The following ZEB2 variants were observed in gnomAD, a reference collection of about 807,000 sequenced individuals.
The protein encoded by ZEB2 is zinc finger E-box binding homeobox 2, also known as zinc finger E-box-binding homeobox 2.
Under a neutral mutation model 99.9 loss-of-function variants are expected in ZEB2, and 6 were observed. The ratio of observed to expected loss-of-function variants is 0.06; its 90% confidence interval spans 0.03 to 0.12. The LOEUF (loss-of-function observed/expected upper bound fraction) is 0.12. Among genes scored for constraint, ZEB2 ranks in the 10% least tolerant of loss-of-function variants. ZEB2 has a pLI of 1.00. For missense variants in ZEB2, 969 were observed against 1,502.8 expected (o/e 0.64, Z 5.87); for synonymous variants, 517 against 542.5 (o/e 0.95, Z 0.65).
chr2:144,497,252 G>A (rs1221478272), intron 2 of ZEB2, among the ~76,000 whole-genome samples: 1 of 152,148 alleles, frequency 6.6e-6, no homozygotes, highest in Admixed American at 6.6e-5. Flanking sequence ...GTATTGGGTA[G>A]AAAGTTCTTT....
At position 144,389,339 on chromosome 2, in the gene ZEB2, A is replaced by C; in HGVS notation, c.*112T>G. The C allele has an allele frequency of 7.9e-7, 1 of 1,268,646 alleles. No individual in the cohort carries two copies. Among genetic ancestry groups the C allele is most frequent in the Non-Finnish European group, 1.1e-6 (1 of 873,166 alleles). The allele number at this position is 1,268,646 out of a possible 1,614,324, so 78.6% of individuals were successfully genotyped here. A position where few individuals can be genotyped will look rare whatever the true frequency, so the allele number is the denominator to read the frequency against. ...AACCGCCCCTTCTGTCCCTCTCTACAGCTTCCTGGAAGCGTCAGGCACGTG... is the reference window on the plus strand; with the variant it reads ...AACCGCCCCTTCTGTCCCTCTCTACCGCTTCCTGGAAGCGTCAGGCACGTG... On this transcript the variant is annotated 3_prime_UTR_variant, in exon 10 of 10. Coordinates refer to ENST00000627532, the MANE Select transcript of ZEB2 (RefSeq NM_014795.4). The surrounding 1 kb of genome is among the most constrained non-coding windows in gnomAD (Gnocchi z 6.8).
chr2:144,389,328 T>C lies in ZEB2; in HGVS notation c.*123A>G, dbSNP rs1162164017. On this transcript the variant is annotated 3_prime_UTR_variant, in exon 10 of 10. Coordinates refer to ENST00000627532, the MANE Select transcript of ZEB2 (RefSeq NM_014795.4). The surrounding 1 kb of genome is among the most constrained non-coding windows in gnomAD (Gnocchi z 6.8). ...TGTCTTGGCTGAACCGCCCCTTCTG[T>C]CCCTCTCTACAGCTTCCTGGAAGCG... 1 of 1,182,676 alleles carries C rather than the reference T, an allele frequency of 8.5e-7. No homozygotes were observed. Among genetic ancestry groups the C allele is most frequent in the Non-Finnish European group, 1.3e-6 (1 of 799,068 alleles). 73.3% of individuals were successfully genotyped at this position (1,182,676 alleles called of 1,614,324 possible). A position where few individuals can be genotyped will look rare whatever the true frequency, so the allele number is the denominator to read the frequency against.
chr2:144,427,571 A>G (rs1192489394), intron 3 of ZEB2: 1 of 152,226 alleles, frequency 6.6e-6, no homozygotes, highest in Non-Finnish European at 1.5e-5. Flanking sequence ...AAAATATTTT[A>G]TCAGAAGAAA....
At chr2:144,415,791 GCAGA>G (rs1703532080) in intron 4 of ZEB2, among the ~76,000 whole-genome samples, 1 of 152,220 alleles carries the variant, frequency 6.6e-6, no homozygotes, top group Non-Finnish European at 1.5e-5. Flanking sequence ...ATGGAGAAGA[GCAGA>G]CCTAACCTCT....
chr2:144,418,706 CAAA>C (rs61255327), intron 4 of ZEB2, among the ~76,000 whole-genome samples: 2 of 148,450 alleles, frequency 1.3e-5, no homozygotes. Flanking sequence ...AACAAACAAA[CAAA>C]AAAAAAAAAA....
chr2:144,410,966 A>G (rs768223472), intron 4 of ZEB2, among the ~76,000 whole-genome samples: 5 of 149,318 alleles, frequency 3.3e-5, no homozygotes, highest in Admixed American at 6.7e-5. Flanking sequence ...AAATGAGGAC[A>G]TGAGTGGTAA....
chr2:144,458,918 C>T (rs896181641), intron 2 of ZEB2, among the ~76,000 whole-genome samples: 1 of 151,994 alleles, frequency 6.6e-6, no homozygotes. Flanking sequence ...GACGTAAGCT[C>T]GGATGTATTT....
At chr2:144,449,464 A>G (rs1260880510) in intron 2 of ZEB2, among the ~76,000 whole-genome samples, 1 of 152,170 alleles carries the variant, frequency 6.6e-6, no homozygotes, top group African/African-American at 2.4e-5. Flanking sequence ...AAAAACAACA[A>G]TGCTAACAAA....
chr2:144,460,234 G>A (rs1044086150), intron 2 of ZEB2, among the ~76,000 whole-genome samples: 2 of 152,142 alleles, frequency 1.3e-5, no homozygotes, highest in Non-Finnish European at 2.9e-5. Flanking sequence ...GTGTTGTTAA[G>A]GGATTTAAGA....
chr2:144,425,994 A>G (rs548507288), intron 3 of ZEB2, among the ~76,000 whole-genome samples: 41 of 152,122 alleles, frequency 2.7e-4, no homozygotes, highest in Non-Finnish European at 5.9e-4. Flanking sequence ...CAGCAAAAAT[A>G]AAATAAAATA....
At chr2:144,509,649 C>T (rs1457545559) in intron 2 of ZEB2, among the ~76,000 whole-genome samples, 1 of 151,840 alleles carries the variant, frequency 6.6e-6, no homozygotes, top group African/African-American at 2.4e-5. Context: ...TGTGTGAGCG[C>T]ATTGTATCCT....
chr2:144,505,242 A>AT (rs1704936330), intron 2 of ZEB2, among the ~76,000 whole-genome samples: 1 of 147,986 alleles, frequency 6.8e-6, no homozygotes, highest in African/African-American at 2.5e-5. Context: ...TAGTGTTTGG[A>AT]TTTTTTAAGG....
Position 144,517,383 on chromosome 2 carries a change from G to T in ZEB2, c.-33C>A. On this transcript the variant is annotated 5_prime_UTR_variant, in exon 2 of 10. Transcript: ENST00000627532. ...AGCGGATCAGATGGCAGTTCGCATG[G>T]ACTCGGCGCCCTGCTTCGGCAGCAC... 5 of 1,612,672 alleles carry T rather than the reference G, an allele frequency of 3.1e-6. No individual in the cohort carries two copies. The highest frequency in any genetic ancestry group is 4.2e-6 in the Non-Finnish European group (5 of 1,179,072).
chr2:144,428,531 T>C (rs760828626), intron 3 of ZEB2: 2 of 152,160 alleles, frequency 1.3e-5, no homozygotes, highest in Non-Finnish European at 2.9e-5. Context: ...ATGTGTGGGA[T>C]TGCTGAGATT....
chr2:144,431,808 C>T (rs1427858681), intron 2 of ZEB2, among the ~76,000 whole-genome samples: 11 of 142,020 alleles, frequency 7.7e-5, no homozygotes, highest in African/African-American at 2.6e-4. Flanking sequence ...AGATTCTTTA[C>T]AAATTTTCAG....
intron 2 of ZEB2, among the ~76,000 whole-genome samples, chr2:144,455,866 T>C (rs1704115765): frequency 6.6e-6 from 1 of 152,142 alleles, no homozygotes; most frequent in Non-Finnish European, 1.5e-5. Flanking sequence ...TTACTTAAAG[T>C]ATATCTCAAG....
At chr2:144,422,089 T>C (rs1268047257) in intron 4 of ZEB2, among the ~76,000 whole-genome samples, 1 of 152,248 alleles carries the variant, frequency 6.6e-6, no homozygotes, top group Non-Finnish European at 1.5e-5. Flanking sequence ...GCTAATTTCA[T>C]CACTGTCTCC....
At chr2:144,466,540 G>A (rs932116724) in intron 2 of ZEB2, among the ~76,000 whole-genome samples, 1 of 152,104 alleles carries the variant, frequency 6.6e-6, no homozygotes, top group African/African-American at 2.4e-5. Context: ...TCAAACAATT[G>A]TTCTCATTAT....
intron 2 of ZEB2, among the ~76,000 whole-genome samples, chr2:144,439,095 A>G (rs1301802980): frequency 6.7e-6 from 1 of 150,028 alleles, no homozygotes; most frequent in Non-Finnish European, 1.5e-5. Flanking sequence ...TTAAACTCCC[A>G]TTTATTTGCT....
Sources: allele counts gnomAD v4.1 joint callset (sites outside exome capture counted in the v4.1 genomes callset), GRCh38; gene constraint gnomAD v4.1.1; non-coding constraint Gnocchi (gnomAD v3.1); transcripts MANE v1.5; gene names NCBI Gene and HGNC (gene_info 2026-07-23, HGNC 2026-07-21).